The following TNFRSF9 variants were observed in gnomAD, a reference collection of about 807,000 sequenced individuals.
The protein encoded by TNFRSF9 is TNF receptor superfamily member 9, also known as tumor necrosis factor receptor superfamily member 9.
In TNFRSF9, 16 loss-of-function variants were observed where a neutral mutation model predicts 28.8. The observed-to-expected ratio is 0.55, with a 90% CI of 0.38 to 0.84. TNFRSF9 has a LOEUF of 0.84. Ranked by LOEUF, TNFRSF9 falls within the 40% of genes least tolerant of loss-of-function variation. The pLI is 0.00. For missense variants in TNFRSF9, 303 were observed against 315.0 expected (o/e 0.96, Z 0.29); for synonymous variants, 131 against 117.0 (o/e 1.12, Z -0.77).
intron 3 of TNFRSF9, 48 bp downstream of exon 3, chr1:7,938,673 A>T: frequency 6.9e-7 from 1 of 1,440,584 alleles, no homozygotes; most frequent in Non-Finnish European, 9.6e-7. Flanking sequence ...AGAAAAGCTT[A>T]TCTTCCCAAC....
At chr1:7,938,889 T>G in intron 2 of TNFRSF9, 61 bp from the exon 3 acceptor site, 1 of 1,205,320 alleles carries the variant, frequency 8.3e-7, no homozygotes, top group Non-Finnish European at 1.2e-6. Flanking sequence ...CCCAAGGCAT[T>G]CCGAAGTTTA....
intron 7 of TNFRSF9, among the ~76,000 whole-genome samples, chr1:7,928,409 T>C (rs1218292253): frequency 6.6e-6 from 1 of 152,168 alleles, no homozygotes; most frequent in Non-Finnish European, 1.5e-5. Context: ...AATGGGTGCA[T>C]GGTAAAACAA....
chr1:7,938,854 C>T, intron 2 of TNFRSF9, 26 bp from the exon 3 acceptor site: 5 of 1,530,334 alleles, frequency 3.3e-6, no homozygotes, highest in Non-Finnish European at 4.5e-6. Context: ...AATAGTGGTA[C>T]ACGTTTGACA....
intron 7 of TNFRSF9, among the ~76,000 whole-genome samples, chr1:7,930,447 C>T (rs1639718220): frequency 6.6e-6 from 1 of 152,148 alleles, no homozygotes; most frequent in Admixed American, 6.6e-5. Flanking sequence ...AACTTTGTTG[C>T]AGTCTGGGGT....
chr1:7,921,664 TC>T (rs1193656738), intron 7 of TNFRSF9: 1 of 151,970 alleles, frequency 6.6e-6, no homozygotes, highest in Non-Finnish European at 1.5e-5. Context: ...TGAGACTCCA[TC>T]TAAAAAAAAT....
Position 7,918,722 on chromosome 1 carries a change from AT to A in TNFRSF9, c.*2112del, listed in dbSNP as rs1639515034. ...ATGAGCAAGCATTTTATTTAAAAAA[AT>A]AAACACAAATGGTATATAAATATTT... On this transcript the variant is annotated 3_prime_UTR_variant, in exon 8 of 8. Transcript: ENST00000377507. 6.6e-6 allele frequency: 1 copy of A among 152,204 alleles called. No homozygotes were observed. The highest frequency in any genetic ancestry group is 6.5e-5 in the Admixed American group (1 of 15,268). 9.4% of individuals were successfully genotyped at this position (152,204 alleles called of 1,614,324 possible).
At chr1:7,936,410 T>C in intron 5 of TNFRSF9, 1 of 158,752 alleles carries the variant, frequency 6.3e-6, no homozygotes, top group South Asian at 1.8e-4. Context: ...AGAGCGAAAC[T>C]CCATCTCAAA....
intron 3 of TNFRSF9, 123 bp downstream of exon 3, chr1:7,938,598 G>A: frequency 1.1e-6 from 1 of 886,208 alleles, no homozygotes; most frequent in Non-Finnish European, 1.7e-6. Flanking sequence ...TAGACCTGCT[G>A]GTTGGCAGAA....
chr1:7,934,872 G>C (rs1639794212), intron 6 of TNFRSF9, 141 bp downstream of exon 6: 6 of 1,093,742 alleles, frequency 5.5e-6, no homozygotes, highest in East Asian at 2.5e-5. Context: ...GAAGAAAACT[G>C]CTGGGTCCCT....
intron 7 of TNFRSF9, chr1:7,922,155 G>T (rs1639569769): frequency 6.6e-6 from 1 of 152,182 alleles, no homozygotes; most frequent in Non-Finnish European, 1.5e-5. Flanking sequence ...AAGGCAAAAA[G>T]TCCTACCCCG....
At position 7,935,095 on chromosome 1, in the gene TNFRSF9, C is replaced by T; in HGVS notation, c.462G>A (p.Arg154=). Residue 154 remains arginine (R), a synonymous_variant, in exon 6 of 8, where the codon AGG becomes AGA. Coordinates refer to ENST00000377507, the MANE Select transcript of TNFRSF9 (RefSeq NM_001561.6). ...KSVLVNGTKE[R]DVVCGPSPAD... is the part of the protein sequence containing the mutation. Reference sequence around the variant, plus strand: ...CTGGAGATGGTCCACAGACCACGTCCCTCTCCTTCGTCCCATTCACAAGCA... The same window carrying T: ...CTGGAGATGGTCCACAGACCACGTCTCTCTCCTTCGTCCCATTCACAAGCA... 2 of 1,614,192 alleles carry T rather than the reference C, an allele frequency of 1.2e-6. No homozygotes were observed. The highest frequency in any genetic ancestry group is 1.6e-4 in the Middle Eastern group (1 of 6,062).
chr1:7,925,825 A>G (rs1233515285), intron 7 of TNFRSF9, among the ~76,000 whole-genome samples: 1 of 152,142 alleles, frequency 6.6e-6, no homozygotes, highest in Non-Finnish European at 1.5e-5. Context: ...AGATGGAGAT[A>G]AGGCGGTAAT....
intron 5 of TNFRSF9, 26 bp downstream of exon 5, chr1:7,937,664 C>T (rs1639840312): frequency 6.3e-7 from 1 of 1,597,878 alleles, no homozygotes; most frequent in Non-Finnish European, 8.6e-7. Flanking sequence ...TTCTTTATTC[C>T]ATAAACTAAA....
At chr1:7,929,608 T>C (rs1639705217) in intron 7 of TNFRSF9, among the ~76,000 whole-genome samples, 1 of 152,178 alleles carries the variant, frequency 6.6e-6, no homozygotes, top group Non-Finnish European at 1.5e-5. Flanking sequence ...ACACATACCA[T>C]ATGATTCTAT....
Position 7,940,060 on chromosome 1 carries a change from T to C in TNFRSF9, c.-66A>G, listed in dbSNP as rs1041507485. On this transcript the variant is annotated 5_prime_UTR_variant, in exon 2 of 8. Coordinates refer to ENST00000377507, the MANE Select transcript of TNFRSF9 (RefSeq NM_001561.6). ...CCAAGAGAATTTTAATCAAATTAGC[T>C]GGTCTCACAAATGTCACTCTGCAAA... 2 of 1,199,870 alleles carry C rather than the reference T, an allele frequency of 1.7e-6. No individual in the cohort carries two copies. The highest frequency in any genetic ancestry group is 2.4e-6 in the Non-Finnish European group (2 of 822,690). 74.3% of individuals were successfully genotyped at this position (1,199,870 alleles called of 1,614,324 possible).
At chr1:7,927,226 G>A (rs1019205409) in intron 7 of TNFRSF9, among the ~76,000 whole-genome samples, 1 of 152,156 alleles carries the variant, frequency 6.6e-6, no homozygotes, top group Admixed American at 6.6e-5. Context: ...GCTGAGGGAC[G>A]CTACTCCCTG....
intron 5 of TNFRSF9, among the ~76,000 whole-genome samples, chr1:7,937,401 C>T (rs546783735): frequency 6.6e-6 from 1 of 152,224 alleles, no homozygotes; most frequent in Admixed American, 6.5e-5. Flanking sequence ...TCAAGGAGTC[C>T]TCCTGTCTCA....
At position 7,919,793 on chromosome 1, in the gene TNFRSF9, G is replaced by A. The variant is rs150851914; in HGVS notation, c.*1042C>T. 9.4e-3 allele frequency: 1,431 copies of A among 152,382 alleles called. 27 individuals carry two copies. The highest frequency in any genetic ancestry group is 0.033 in the African/African-American group (1,364 of 41,566). 9.4% of individuals were successfully genotyped at this position (152,382 alleles called of 1,614,324 possible). The stretch of plus-strand genomic sequence containing the variant: ...GTTTGGCGGCCCCCACTCTAGTGCT[G>A]TGGTAGGACAATGAGCTCACAGGTG... On this transcript the variant is annotated 3_prime_UTR_variant, in exon 8 of 8. Coordinates refer to ENST00000377507, the MANE Select transcript of TNFRSF9 (RefSeq NM_001561.6).
At position 7,916,348 on chromosome 1, in the gene TNFRSF9, G is replaced by C. The variant is rs1431506453; in HGVS notation, c.*4487C>G. 6.6e-6 allele frequency: 1 copy of C among 152,128 alleles called. No homozygotes were observed. The highest frequency in any genetic ancestry group is 1.5e-5 in the Non-Finnish European group (1 of 68,044). The allele number at this position is 152,128 out of a possible 1,614,324, so 9.4% of individuals were successfully genotyped here. A position where few individuals can be genotyped will look rare whatever the true frequency, so the allele number is the denominator to read the frequency against. ...TTCCTTATTAATTGTCATTTAGGGGGAGCAATGACTCACATGCCAAGTTCC... is the reference window on the plus strand; with the variant it reads ...TTCCTTATTAATTGTCATTTAGGGGCAGCAATGACTCACATGCCAAGTTCC... On this transcript the variant is annotated 3_prime_UTR_variant, in exon 8 of 8. Coordinates refer to ENST00000377507, the MANE Select transcript of TNFRSF9 (RefSeq NM_001561.6).
Sources: allele counts gnomAD v4.1 joint callset (sites outside exome capture counted in the v4.1 genomes callset), GRCh38; gene constraint gnomAD v4.1.1; transcripts MANE v1.5; gene names NCBI Gene and HGNC (gene_info 2026-07-23, HGNC 2026-07-21).